Variants in AKAP6 observed in about 807,000 individuals in gnomAD.
The protein encoded by AKAP6 is A-kinase anchoring protein 6, also known as A-kinase anchor protein 6.
Under a neutral mutation model 188.5 loss-of-function variants are expected in AKAP6, and 58 were observed. The observed-to-expected ratio is 0.31, with a 90% CI of 0.25 to 0.38. The LOEUF (loss-of-function observed/expected upper bound fraction) is 0.38. Ranked by LOEUF, AKAP6 falls within the 10% of genes least tolerant of loss-of-function variation. The probability of loss-of-function intolerance (pLI) is 1.00; values close to 1 mark genes in which losing one functional copy is unlikely to be tolerated. For missense variants in AKAP6, 2,710 were observed against 2,740.0 expected (o/e 0.99, Z 0.24); for synonymous variants, 989 against 998.6 (o/e 0.99, Z 0.18).
chr14:32,479,407 C>T (rs1879228903), intron 2 of AKAP6, among the ~76,000 whole-genome samples: 1 of 151,954 alleles, frequency 6.6e-6, no homozygotes, highest in African/African-American at 2.4e-5. Flanking sequence ...TCCACTATTA[C>T]CATTTTTGAT....
intron 8 of AKAP6, among the ~76,000 whole-genome samples, chr14:32,682,759 A>C (rs1403736843): frequency 2.0e-5 from 3 of 152,178 alleles, no homozygotes; most frequent in Non-Finnish European, 4.4e-5. Flanking sequence ...TTCAGTAGGC[A>C]GAAGAAGATG....
At chr14:32,745,159 G>T (rs2031842372) in intron 11 of AKAP6, among the ~76,000 whole-genome samples, 2 of 152,082 alleles carry the variant, frequency 1.3e-5, no homozygotes, top group Admixed American at 1.3e-4. Context: ...GTTGATTCTA[G>T]TAGATGTTCT....
intron 2 of AKAP6, among the ~76,000 whole-genome samples, chr14:32,458,399 A>G (rs1381801307): frequency 6.6e-6 from 1 of 152,104 alleles, no homozygotes; most frequent in Non-Finnish European, 1.5e-5. Context: ...TAATGATGTT[A>G]CCTAATTTTT....
At chr14:32,634,269 T>G (rs1440130170) in intron 7 of AKAP6, among the ~76,000 whole-genome samples, 1 of 152,096 alleles carries the variant, frequency 6.6e-6, no homozygotes, top group Non-Finnish European at 1.5e-5. Flanking sequence ...GGCTATAATA[T>G]TAACTGATGT....
chr14:32,813,697 C>T (rs2034306592), intron 12 of AKAP6, among the ~76,000 whole-genome samples: 1 of 152,150 alleles, frequency 6.6e-6, no homozygotes. Flanking sequence ...TGGGCAGCCC[C>T]TCCAGTGAAC....
At chr14:32,757,635 C>T (rs992915432) in intron 11 of AKAP6, among the ~76,000 whole-genome samples, 1 of 152,228 alleles carries the variant, frequency 6.6e-6, no homozygotes, top group Non-Finnish European at 1.5e-5. Flanking sequence ...ACACCCTTCT[C>T]TTCAGCAAAC....
intron 7 of AKAP6, among the ~76,000 whole-genome samples, chr14:32,644,629 CTTTA>C (rs1887907629): frequency 1.3e-5 from 2 of 152,182 alleles, no homozygotes; most frequent in South Asian, 4.2e-4. Context: ...CCGTGGATGG[CTTTA>C]TTTCTCTATT....
In AKAP6 at chr14:32,627,566, C is replaced by T. The variant is rs549239355; in HGVS notation, c.2730+26774C>T. Among the ~76,000 whole-genome samples the T allele has an allele frequency of 3.3e-4, 50 of 152,188 alleles. 1 individual carries two copies. In the East Asian group the frequency reaches 9.5e-3, roughly 29 times the overall value. On this transcript the variant is annotated intron_variant, in intron 7 of 13. Transcript: ENST00000280979. ...TATGGAATGAGAATTTCTCAGTCTTCTCAGGAGCCTTCCAAGACATTGTTT... is the reference window on the plus strand; with the variant it reads ...TATGGAATGAGAATTTCTCAGTCTTTTCAGGAGCCTTCCAAGACATTGTTT...
At chr14:32,551,321 C>T (rs867559814) in intron 4 of AKAP6, among the ~76,000 whole-genome samples, 1 of 152,084 alleles carries the variant, frequency 6.6e-6, no homozygotes, top group South Asian at 2.1e-4. Flanking sequence ...CCTGTAATCC[C>T]AGCACTTTGG....
Position 32,735,713 on chromosome 14 carries a change from C to G in AKAP6, c.3203C>G (p.Pro1068Arg). The G allele has an allele frequency of 1.9e-6, 3 of 1,613,240 alleles. No homozygotes were observed. The highest frequency in any genetic ancestry group is 2.5e-6 in the Non-Finnish European group (3 of 1,179,740). ...ATGGCAGGGCACAGTGGGTCGAGTC[C>G]ACGTGACCTGCTCTCTCCTGAAAGT... Reference protein sequence around the residue: ...DTMAGHSGSSPRDLLSPESGS... With the variant: ...DTMAGHSGSSRRDLLSPESGS... The change falls in exon 11 of 14, where the codon CCA (proline) becomes CGA (arginine). Residue 1068 changes from proline to arginine, a missense_variant. Physicochemically the swap from Pro to Arg is moderately radical, Grantham distance 103. Around this residue, in one of 2 missense-constraint regions of AKAP6, gnomAD observed 2,473 missense variants for 2,426.1 expected, o/e 1.02. Transcript: ENST00000280979.
At chr14:32,661,394 G>A (rs1888693752) in intron 7 of AKAP6, among the ~76,000 whole-genome samples, 1 of 152,116 alleles carries the variant, frequency 6.6e-6, no homozygotes, top group Admixed American at 6.6e-5. Context: ...CAAAGCGGTT[G>A]CATGGTAAGC....
At chr14:32,562,374 A>C (rs1883992884) in intron 4 of AKAP6, among the ~76,000 whole-genome samples, 1 of 140,310 alleles carries the variant, frequency 7.1e-6, no homozygotes, top group Admixed American at 7.4e-5. Flanking sequence ...CCTGAGCCCC[A>C]AAATAAAACT....
chr14:32,518,545 C>T (rs1881644575), intron 2 of AKAP6, among the ~76,000 whole-genome samples: 1 of 152,126 alleles, frequency 6.6e-6, no homozygotes, highest in Non-Finnish European at 1.5e-5. Flanking sequence ...CTACGTGACA[C>T]ATGCACAAGC....
intron 4 of AKAP6, among the ~76,000 whole-genome samples, chr14:32,572,237 T>C (rs947113228): frequency 6.6e-6 from 1 of 152,212 alleles, no homozygotes; most frequent in Non-Finnish European, 1.5e-5. Context: ...TTTCCTCATC[T>C]GTAAAATGAC....
chr14:32,406,008 C>G (rs564201784), intron 1 of AKAP6, among the ~76,000 whole-genome samples: 1 of 152,274 alleles, frequency 6.6e-6, no homozygotes, highest in Non-Finnish European at 1.5e-5. Flanking sequence ...AAATCAGTTT[C>G]TAATCTACTG....
chr14:32,525,754 C>T (rs1239702875), intron 2 of AKAP6, among the ~76,000 whole-genome samples: 5 of 152,166 alleles, frequency 3.3e-5, no homozygotes, highest in Non-Finnish European at 7.3e-5. Context: ...AATTCGACTT[C>T]ACAAACATCC....
At chr14:32,562,717 C>T (rs940964248) in intron 4 of AKAP6, among the ~76,000 whole-genome samples, 5 of 152,114 alleles carry the variant, frequency 3.3e-5, no homozygotes, top group African/African-American at 1.2e-4. Context: ...GAGATTGCAC[C>T]ACTGCACTCC....
At chr14:32,465,318 A>G (rs1345562617) in intron 2 of AKAP6, among the ~76,000 whole-genome samples, 2 of 152,222 alleles carry the variant, frequency 1.3e-5, no homozygotes, top group African/African-American at 4.8e-5. Context: ...TGTAGGCATG[A>G]TGCTACCTGA....
At chr14:32,642,532 C>A (rs1213595973) in intron 7 of AKAP6, among the ~76,000 whole-genome samples, 1 of 152,084 alleles carries the variant, frequency 6.6e-6, no homozygotes, top group Admixed American at 6.6e-5. Flanking sequence ...TTATTTTTTA[C>A]ATAGAGGGAA....
Sources: gnomAD v4.1 joint callset for allele counts (sites outside exome capture counted in the v4.1 genomes callset) on GRCh38, gnomAD v4.1.1 for gene constraint, gnomAD v4.1.1 regional missense constraint, MANE v1.5 for transcripts, NCBI Gene and HGNC (gene_info 2026-07-23, HGNC 2026-07-21) for gene names.